The following GSR variants were observed in gnomAD, a reference collection of about 807,000 sequenced individuals.
The protein encoded by GSR is glutathione-disulfide reductase.
A neutral mutation model predicts 56.5 loss-of-function variants in GSR; 48 were observed. The observed-to-expected ratio is 0.85, with a 90% confidence interval of 0.67 to 1.08. The LOEUF is 1.08. Ranked by LOEUF, GSR falls within the 50% of genes least tolerant of loss-of-function variation. The pLI, the probability that GSR is intolerant of heterozygous loss-of-function variation, is 0.00. For missense variants in GSR, 694 were observed against 703.3 expected, an observed-to-expected ratio of 0.99 and a Z score of 0.15; for synonymous variants, 264 against 270.8, an observed-to-expected ratio of 0.97 and a Z score of 0.25.
intron 2 of GSR, among the ~76,000 whole-genome samples, chr8:30,710,382 T>TA (rs1416300865): frequency 1.3e-5 from 2 of 151,186 alleles, no homozygotes; most frequent in Non-Finnish European, 2.9e-5. Context: ...CATTTTTTTT[T>TA]AAAGAGATAA....
intron 1 of GSR, among the ~76,000 whole-genome samples, chr8:30,720,774 T>C (rs1804507479): frequency 6.6e-6 from 1 of 152,202 alleles, no homozygotes; most frequent in Non-Finnish European, 1.5e-5. Context: ...AATTCTTAGC[T>C]AAGCAGAACA....
At chr8:30,715,560 T>C (rs1041263850) in intron 1 of GSR, among the ~76,000 whole-genome samples, 1 of 152,192 alleles carries the variant, frequency 6.6e-6, no homozygotes, top group African/African-American at 2.4e-5. Flanking sequence ...TTTCCAGTTA[T>C]TTGGCAGGCA....
At chr8:30,717,777 CATA>C (rs1195734323) in intron 1 of GSR, among the ~76,000 whole-genome samples, 5 of 152,016 alleles carry the variant, frequency 3.3e-5, no homozygotes, top group Non-Finnish European at 7.4e-5. Context: ...TATATTACAA[CATA>C]ATAATAATAG....
At chr8:30,710,989 T>A (rs1309926586) in intron 2 of GSR, among the ~76,000 whole-genome samples, 1 of 152,042 alleles carries the variant, frequency 6.6e-6, no homozygotes, top group Non-Finnish European at 1.5e-5. Context: ...CATACAGTCA[T>A]AATTGCATGG....
intron 1 of GSR, among the ~76,000 whole-genome samples, chr8:30,717,720 G>T (rs1188197849): frequency 6.6e-6 from 1 of 152,216 alleles, no homozygotes; most frequent in East Asian, 1.9e-4. Flanking sequence ...CAAGCTCAGG[G>T]CTCCGTCGGA....
chr8:30,708,915 C>T (rs1212104361), intron 3 of GSR, among the ~76,000 whole-genome samples: 1 of 145,592 alleles, frequency 6.9e-6, no homozygotes, highest in Admixed American at 7.0e-5. Flanking sequence ...GCCGAGATCG[C>T]ACCACTGCAC....
At chr8:30,687,865 C>T (rs1342773429) in intron 9 of GSR, among the ~76,000 whole-genome samples, 1 of 152,138 alleles carries the variant, frequency 6.6e-6, no homozygotes, top group East Asian at 1.9e-4. Context: ...ATTTACTCTT[C>T]TGTATAACCC....
intron 3 of GSR, 97 bp downstream of exon 3, chr8:30,709,717 C>T (rs1014781295): frequency 6.5e-5 from 48 of 743,108 alleles, no homozygotes; most frequent in South Asian, 2.5e-4. Context: ...GAATATTTAC[C>T]GCAATTCCTC....
chr8:30,680,825 CT>C, intron 12 of GSR, 78 bp downstream of exon 12: 1 of 1,338,170 alleles, frequency 7.5e-7, no homozygotes, highest in Non-Finnish European at 1.1e-6. Context: ...CTTGGTCTCC[CT>C]CCTTTCCACC....
intron 4 of GSR, among the ~76,000 whole-genome samples, chr8:30,706,366 G>A (rs111421191): frequency 6.6e-6 from 1 of 151,906 alleles, no homozygotes; most frequent in African/African-American, 2.4e-5. Flanking sequence ...AGGCAGGTGT[G>A]GGGGCACGTG....
At chr8:30,702,035 C>CA (rs1554572247) in intron 5 of GSR, among the ~76,000 whole-genome samples, 3 of 151,454 alleles carry the variant, frequency 2.0e-5, no homozygotes, top group Admixed American at 6.6e-5. Flanking sequence ...GACCCTGTCT[C>CA]AAAAAAATAA....
At chr8:30,704,709 C>T (rs1012824610) in intron 4 of GSR, 6 of 152,284 alleles carry the variant, frequency 3.9e-5, no homozygotes, top group African/African-American at 1.4e-4. Context: ...TTGGAACGTG[C>T]TTGATTCTGA....
At chr8:30,713,724 C>T (rs1450250710) in intron 1 of GSR, among the ~76,000 whole-genome samples, 1 of 152,118 alleles carries the variant, frequency 6.6e-6, no homozygotes, top group East Asian at 1.9e-4. Context: ...TTTCATCTGT[C>T]AGATTGGCAA....
intron 9 of GSR, among the ~76,000 whole-genome samples, chr8:30,684,928 CATTT>C (rs57141426): frequency 0.11 from 14,582 of 133,536 alleles, 931 homozygotes; most frequent in East Asian, 0.18. Flanking sequence ...TTTTAACATA[CATTT>C]ATTTATTTAT....
At chr8:30,688,535 T>A (rs1448623753) in intron 9 of GSR, among the ~76,000 whole-genome samples, 1 of 131,630 alleles carries the variant, frequency 7.6e-6, no homozygotes, top group Non-Finnish European at 1.5e-5. Context: ...GCTATGATCA[T>A]GCCACTGTAC....
chr8:30,706,482 G>A (rs1402233136), intron 4 of GSR, among the ~76,000 whole-genome samples: 3 of 152,070 alleles, frequency 2.0e-5, no homozygotes, highest in Non-Finnish European at 4.4e-5. Context: ...CAGCCTGGGC[G>A]ACAGAGCAAG....
At chr8:30,717,454 A>G (rs1405083564) in intron 1 of GSR, among the ~76,000 whole-genome samples, 1 of 151,912 alleles carries the variant, frequency 6.6e-6, no homozygotes, top group Non-Finnish European at 1.5e-5. Flanking sequence ...AGGCTGCAGC[A>G]GGAGGTGAGT....
chr8:30,719,576 C>G (rs1436890983), intron 1 of GSR, among the ~76,000 whole-genome samples: 1 of 152,120 alleles, frequency 6.6e-6, no homozygotes, highest in Admixed American at 6.5e-5. Context: ...ACAGGCTGTT[C>G]AGTAAATACA....
At chr8:30,685,557 C>T (rs1803132272) in intron 9 of GSR, among the ~76,000 whole-genome samples, 1 of 152,048 alleles carries the variant, frequency 6.6e-6, no homozygotes, top group South Asian at 2.1e-4. Context: ...AAATATTTTC[C>T]TATATGTAGT....
Sources: allele counts gnomAD v4.1 joint callset (sites outside exome capture counted in the v4.1 genomes callset), GRCh38; gene constraint gnomAD v4.1.1; transcripts MANE v1.5; gene names NCBI Gene and HGNC (gene_info 2026-07-23, HGNC 2026-07-21).